DACH1: variants seen among roughly 807,000 people sequenced by gnomAD.
DACH1 encodes dachshund family transcription factor 1, also known as dachshund homolog 1.
A neutral mutation model predicts 54.2 loss-of-function variants in DACH1; 12 were observed. That is an observed-to-expected ratio of 0.22 (90% confidence interval 0.14 to 0.36). DACH1 has a LOEUF of 0.36. DACH1 is among the 10% of genes least tolerant of loss of function. The pLI is 1.00. For synonymous variants in DACH1, 386 were observed against 366.2 expected, an observed-to-expected ratio of 1.05 and a Z score of -0.62; for missense variants, 805 against 929.8, an observed-to-expected ratio of 0.87 and a Z score of 1.75.
At chr13:71,537,192 G>A (rs1882861825) in intron 6 of DACH1, among the ~76,000 whole-genome samples, 1 of 151,922 alleles carries the variant, frequency 6.6e-6, no homozygotes, top group Non-Finnish European at 1.5e-5. Context: ...TGAGCCTGCT[G>A]GTCTCTTTGC....
At chr13:71,865,900 G>T in intron 1 of DACH1, 22 bp downstream of exon 1, 1 of 1,564,678 alleles carries the variant, frequency 6.4e-7, no homozygotes, top group East Asian at 2.5e-5. Flanking sequence ...GCGGGCGGCG[G>T]GGGCTATCCC....
At chr13:71,818,370 T>C (rs897610952) in intron 1 of DACH1, among the ~76,000 whole-genome samples, 1 of 151,966 alleles carries the variant, frequency 6.6e-6, no homozygotes, top group African/African-American at 2.4e-5. Context: ...AACAGACAAA[T>C]GAGCTCAGTG....
chr13:71,733,920 G>A (rs1239921616), intron 1 of DACH1, among the ~76,000 whole-genome samples: 11 of 151,832 alleles, frequency 7.2e-5, no homozygotes, highest in South Asian at 2.1e-4. Flanking sequence ...ATGGTGGCCC[G>A]TACCTGTAGT....
intron 1 of DACH1, among the ~76,000 whole-genome samples, chr13:71,758,832 C>T (rs1197651405): frequency 6.6e-6 from 1 of 152,076 alleles, no homozygotes; most frequent in Non-Finnish European, 1.5e-5. Context: ...TAAATTAGTA[C>T]ACTGTTAAGG....
At chr13:71,737,270 A>AAG (rs1423780142) in intron 1 of DACH1, among the ~76,000 whole-genome samples, 1 of 152,150 alleles carries the variant, frequency 6.6e-6, no homozygotes, top group Non-Finnish European at 1.5e-5. Context: ...GGGAGTTCAG[A>AAG]AGAGAGAACT....
chr13:71,846,547 T>C (rs955810022), intron 1 of DACH1, among the ~76,000 whole-genome samples: 3 of 152,130 alleles, frequency 2.0e-5, no homozygotes, highest in African/African-American at 4.8e-5. Flanking sequence ...CGAGAATCAC[T>C]TGAACCCCGG....
chr13:71,615,950 C>T (rs1875727716), intron 3 of DACH1, among the ~76,000 whole-genome samples: 1 of 152,014 alleles, frequency 6.6e-6, no homozygotes. Flanking sequence ...CAAATAATCC[C>T]CAAAGAGCCC....
chr13:71,500,844 C>A (rs562939911), intron 6 of DACH1, among the ~76,000 whole-genome samples: 1 of 151,922 alleles, frequency 6.6e-6, no homozygotes, highest in Non-Finnish European at 1.5e-5. Flanking sequence ...CCCTACAAAT[C>A]ATAGAATCTA....
At position 71,556,045 on chromosome 13, in the gene DACH1, T is replaced by C. The variant is rs1884228673; in HGVS notation, c.1570+979A>G. ...AGCTATTTTTATGCTGAAAGGGAAATGTTTTATGTAAGCATTTTTACTTTT... is the reference window on the plus strand; with the variant it reads ...AGCTATTTTTATGCTGAAAGGGAAACGTTTTATGTAAGCATTTTTACTTTT... On this transcript the variant is annotated intron_variant, in intron 6 of 10. Transcript: ENST00000613252. 2.6e-5 allele frequency among the ~76,000 whole-genome samples: 4 copies of C among 152,248 alleles called. No individual in the cohort carries two copies. The South Asian group carries it at 8.3e-4, about 32-fold the overall frequency.
At chr13:71,716,486 A>G (rs1354247246) in intron 1 of DACH1, among the ~76,000 whole-genome samples, 1 of 152,076 alleles carries the variant, frequency 6.6e-6, no homozygotes, top group Non-Finnish European at 1.5e-5. Flanking sequence ...TTCATGCTTT[A>G]CAGATCTAAT....
At position 71,486,789 on chromosome 13, in the gene DACH1, A is replaced by T. The variant is rs201622527; in HGVS notation, c.1722+2208T>A. On this transcript the variant is annotated intron_variant, in intron 7 of 10. Coordinates refer to ENST00000613252, the MANE Select transcript of DACH1 (RefSeq NM_080759.6). ...AAGTAAGATTGAAGCGGACAAGCTA[A>T]ATTAATTAATTTATTTATTTATTTA... Among the ~76,000 whole-genome samples, 7 of 21,008 alleles carry T rather than the reference A, an allele frequency of 3.3e-4. No individual in the cohort carries two copies. The East Asian group carries it at 0.02, about 60-fold the overall frequency. The allele number at this position is 21,008 out of a possible 152,430, so 13.8% of individuals were successfully genotyped here.
chr13:71,723,242 A>T (rs1421723566), intron 1 of DACH1, among the ~76,000 whole-genome samples: 2 of 123,560 alleles, frequency 1.6e-5, no homozygotes, highest in South Asian at 4.3e-4. Flanking sequence ...GTCTCTACAC[A>T]AATTAAAAAA....
chr13:71,718,696 T>TA lies in DACH1; in HGVS notation c.849-36787dup, dbSNP rs536772590. ...TTGTAAAATTGACACTGGCATTTGTTACAGGCTTTAGCTCACCCACTGCTG... is the reference window on the plus strand; with the variant it reads ...TTGTAAAATTGACACTGGCATTTGTTAACAGGCTTTAGCTCACCCACTGCTG... On this transcript the variant is annotated intron_variant, in intron 1 of 10. Transcript: ENST00000613252. Among the ~76,000 whole-genome samples, 48 of 152,300 alleles carry TA rather than the reference T, an allele frequency of 3.2e-4. No homozygotes were observed. In the East Asian group the frequency reaches 9.1e-3, roughly 29 times the overall value.
At chr13:71,488,449 T>A (rs1397672447) in intron 7 of DACH1, among the ~76,000 whole-genome samples, 1 of 152,182 alleles carries the variant, frequency 6.6e-6, no homozygotes, top group Non-Finnish European at 1.5e-5. Context: ...GAGGACCACA[T>A]AGGAAATCCG....
chr13:71,618,602 A>G (rs1875962897), intron 3 of DACH1, among the ~76,000 whole-genome samples: 1 of 151,984 alleles, frequency 6.6e-6, no homozygotes, highest in Non-Finnish European at 1.5e-5. Context: ...CAAGTGTACT[A>G]AAATCCACAC....
intron 1 of DACH1, among the ~76,000 whole-genome samples, chr13:71,806,512 A>G (rs2138139227): frequency 6.6e-6 from 1 of 152,318 alleles, no homozygotes; most frequent in Non-Finnish European, 1.5e-5. Context: ...TTTTTGCCTT[A>G]TAGGCAGTCA....
chr13:71,646,056 G>A (rs192514346), intron 2 of DACH1, among the ~76,000 whole-genome samples: 8 of 152,168 alleles, frequency 5.3e-5, no homozygotes, highest in Admixed American at 4.6e-4. Context: ...TTCTGCAATC[G>A]GCCAGGTGCG....
chr13:71,645,828 A>T (rs976441966), intron 2 of DACH1, among the ~76,000 whole-genome samples: 1 of 152,150 alleles, frequency 6.6e-6, no homozygotes, highest in Non-Finnish European at 1.5e-5. Flanking sequence ...CTTGACATAG[A>T]TCCTAGGGTA....
At chr13:71,670,043 A>G (rs1880116962) in intron 2 of DACH1, among the ~76,000 whole-genome samples, 1 of 151,660 alleles carries the variant, frequency 6.6e-6, no homozygotes, top group Admixed American at 6.6e-5. Flanking sequence ...AAAAAAGTCC[A>G]TGGTATTCAT....
Sources: allele counts gnomAD v4.1 joint callset (sites outside exome capture counted in the v4.1 genomes callset), GRCh38; gene constraint gnomAD v4.1.1; transcripts MANE v1.5; gene names NCBI Gene and HGNC (gene_info 2026-07-23, HGNC 2026-07-21).